The following PKIG variants were observed in gnomAD, a reference collection of about 807,000 sequenced individuals.
The protein encoded by PKIG is cAMP-dependent protein kinase inhibitor gamma.
In PKIG, 1 loss-of-function variant was observed where a neutral mutation model predicts 6.8. The observed-to-expected ratio is 0.15, with a 90% CI of 0.05 to 0.69. The LOEUF is 0.69. PKIG is among the 30% of genes least tolerant of loss of function. PKIG has a pLI of 0.82. For missense variants in PKIG, 77 were observed against 104.0 expected (o/e 0.74, Z 1.13); for synonymous variants, 39 against 43.0 (o/e 0.91, Z 0.36).
chr20:44,584,794 A>T lies in PKIG; in HGVS notation c.-94+2063A>T, dbSNP rs1047293006. 5.3e-5 allele frequency among the ~76,000 whole-genome samples: 8 copies of T among 149,810 alleles called. No homozygotes were observed. In the Admixed American group the frequency reaches 5.4e-4, roughly 10 times the overall value. ...GAGTGCAATGGTGCAGTCTTGGCTC[A>T]CTGCAGCTTCCACCTCCCGTTTTTG... is the stretch of plus-strand genomic sequence containing the variant. On this transcript the variant is annotated intron_variant, in intron 1 of 3. Transcript: ENST00000372886.
At chr20:44,545,631 G>A (rs2064606852) in intron 1 of PKIG, among the ~76,000 whole-genome samples, 1 of 151,096 alleles carries the variant, frequency 6.6e-6, no homozygotes. Context: ...GACCAATCTG[G>A]GCAACAGTGA....
At chr20:44,556,610 C>G (rs1407750941) in intron 1 of PKIG, among the ~76,000 whole-genome samples, 2 of 151,620 alleles carry the variant, frequency 1.3e-5, no homozygotes, top group Non-Finnish European at 2.9e-5. Flanking sequence ...TGATCTGCCC[C>G]CCTTGTCCTC....
Position 44,618,572 on chromosome 20 carries a change from C to CGTGCCCAG in PKIG, c.*209_*210insTGCCCAGG, listed in dbSNP as rs1421938819. The CGTGCCCAG allele has an allele frequency of 4.2e-5, 22 of 526,536 alleles. No homozygotes were observed. The highest frequency in any genetic ancestry group is 6.9e-6 in the Non-Finnish European group (2 of 289,962). The allele number at this position is 526,536 out of a possible 1,614,324, so 32.6% of individuals were successfully genotyped here. On this transcript the variant is annotated 3_prime_UTR_variant, in exon 4 of 4. Coordinates refer to ENST00000372886, the MANE Select transcript of PKIG (RefSeq NM_001281445.2). ...ACAGGCTTCACATTCCCACCACCTT[C>CGTGCCCAG]GCACCGTGCCCAGGTACACTTTCAA... is the stretch of plus-strand genomic sequence containing the variant.
At chr20:44,617,479 G>A (rs779087170) in intron 3 of PKIG, among the ~76,000 whole-genome samples, 17 of 152,116 alleles carry the variant, frequency 1.1e-4, no homozygotes, top group Non-Finnish European at 1.6e-4. Context: ...GGTCCAGTGG[G>A]TGGCAGGAGC....
intron 1 of PKIG, among the ~76,000 whole-genome samples, chr20:44,546,234 G>A (rs979077232): frequency 2.6e-5 from 4 of 151,994 alleles, no homozygotes; most frequent in African/African-American, 7.2e-5. Flanking sequence ...TGGGTGACAG[G>A]GAGAGACCCT....
Position 44,614,191 on chromosome 20 carries a change from G to GTAAGC in PKIG, c.-23-341_-23-337dup, listed in dbSNP as rs2065243316. Reference sequence around the variant, plus strand: ...GACTTTATGCCACCTGTAGTAGATGGTAAGCTCTGTGAGGCCAGGGACCAT... The same window carrying GTAAGC: ...GACTTTATGCCACCTGTAGTAGATGGTAAGCTAAGCTCTGTGAGGCCAGGGACCAT... On this transcript the variant is annotated intron_variant, in intron 2 of 3. Transcript: ENST00000372886. This position sits in a 1 kb window ranked among gnomAD's most constrained non-coding sequence, Gnocchi z 4.6. 1 of 216,942 alleles carries GTAAGC rather than the reference G, an allele frequency of 4.6e-6. No homozygotes were observed. Among genetic ancestry groups the GTAAGC allele is most frequent in the African/African-American group, 2.3e-5 (1 of 42,734 alleles). The allele number at this position is 216,942 out of a possible 1,614,324, so 13.4% of individuals were successfully genotyped here.
chr20:44,543,835 G>C lies in PKIG; in HGVS notation c.-241+11857G>C, dbSNP rs529923531. ...CCCAGCACTGTGGGAAGCCGAGGCGGGTGGATCACCTGAGGTCAGGAATTC... is the reference window on the plus strand; with the variant it reads ...CCCAGCACTGTGGGAAGCCGAGGCGCGTGGATCACCTGAGGTCAGGAATTC... On this transcript the variant is annotated intron_variant, in intron 1 of 4. Coordinates refer to the PKIG transcript ENST00000372887. Among the ~76,000 whole-genome samples the C allele has an allele frequency of 2.0e-5, 3 of 152,244 alleles. No individual in the cohort carries two copies. The South Asian group carries it at 6.2e-4, about 32-fold the overall frequency.
chr20:44,590,897 A>C (rs1309996277), intron 2 of PKIG, among the ~76,000 whole-genome samples: 2 of 152,226 alleles, frequency 1.3e-5, no homozygotes, highest in African/African-American at 4.8e-5. Flanking sequence ...TGTAGGGGGC[A>C]CATTGCAGCT....
At chr20:44,573,272 C>A (rs1226312278) in intron 1 of PKIG, among the ~76,000 whole-genome samples, 1 of 152,218 alleles carries the variant, frequency 6.6e-6, no homozygotes, top group Non-Finnish European at 1.5e-5. Flanking sequence ...AAAAATGTCT[C>A]CCCCTCTCTC....
At chr20:44,563,862 T>C (rs2123256858) in intron 1 of PKIG, among the ~76,000 whole-genome samples, 1 of 152,332 alleles carries the variant, frequency 6.6e-6, no homozygotes, top group East Asian at 1.9e-4. Context: ...AATCTCTTTA[T>C]GGGTTAAGGA....
intron 1 of PKIG, among the ~76,000 whole-genome samples, chr20:44,577,437 A>C (rs1055977011): frequency 2.0e-5 from 3 of 152,066 alleles, no homozygotes; most frequent in African/African-American, 7.2e-5. Flanking sequence ...CTTGACCAAG[A>C]ACATTGTTTT....
At chr20:44,544,925 CTT>C (rs796482642) in intron 1 of PKIG, among the ~76,000 whole-genome samples, 226 of 64,342 alleles carry the variant, frequency 3.5e-3, no homozygotes, top group Non-Finnish European at 5.3e-3. Flanking sequence ...TTCCTTCTTT[CTT>C]TTTTTTTTTT....
At chr20:44,533,829 G>A (rs537998847) in intron 1 of PKIG, among the ~76,000 whole-genome samples, 3 of 152,324 alleles carry the variant, frequency 2.0e-5, no homozygotes, top group African/African-American at 7.2e-5. Context: ...AAGGCCAAAG[G>A]GAGAGGTTGG....
intron 1 of PKIG, among the ~76,000 whole-genome samples, chr20:44,568,440 A>G (rs527883868): frequency 3.3e-5 from 5 of 151,954 alleles, no homozygotes; most frequent in Admixed American, 2.6e-4. Context: ...CCCCTTCTAC[A>G]TATAGGGGCT....
upstream of PKIG, among the ~76,000 whole-genome samples, chr20:44,582,232 C>G (rs2064954557): frequency 6.6e-6 from 1 of 151,980 alleles, no homozygotes; most frequent in African/African-American, 2.4e-5. Context: ...TATTATATAC[C>G]AAAGAAAGGA....
chr20:44,574,347 T>G (rs976228743), intron 1 of PKIG, among the ~76,000 whole-genome samples: 3 of 134,312 alleles, frequency 2.2e-5, no homozygotes, highest in African/African-American at 9.8e-5. Context: ...CGAGATATGG[T>G]TTTTTTTAAC....
chr20:44,537,014 C>G (rs1276348253), intron 1 of PKIG, among the ~76,000 whole-genome samples: 1 of 152,142 alleles, frequency 6.6e-6, no homozygotes, highest in African/African-American at 2.4e-5. Context: ...ACTGCAGCCT[C>G]CGCCTCCCAG....
intron 2 of PKIG, among the ~76,000 whole-genome samples, chr20:44,609,268 C>T (rs537328670): frequency 1.2e-4 from 19 of 152,204 alleles, no homozygotes; most frequent in Admixed American, 3.3e-4. Flanking sequence ...CTCTGTGTCC[C>T]GAGGGCCAGT....
At chr20:44,605,429 A>G (rs1211843815) in intron 2 of PKIG, among the ~76,000 whole-genome samples, 2 of 150,550 alleles carry the variant, frequency 1.3e-5, no homozygotes, top group Admixed American at 1.3e-4. Flanking sequence ...AAAAAAAAAA[A>G]GATTCAGAAA....
Sources: allele counts gnomAD v4.1 joint callset (sites outside exome capture counted in the v4.1 genomes callset), GRCh38; gene constraint gnomAD v4.1.1; non-coding constraint Gnocchi (gnomAD v3.1); transcripts MANE v1.5; gene names NCBI Gene and HGNC (gene_info 2026-07-23, HGNC 2026-07-21).